Variants in ARID1B observed in about 807,000 individuals in gnomAD.
The protein encoded by ARID1B is AT-rich interaction domain 1B, also known as AT-rich interactive domain-containing protein 1B.
In ARID1B, 30 loss-of-function variants were observed where a neutral mutation model predicts 212.3. The observed-to-expected ratio is 0.14, with a 90% CI of 0.11 to 0.19. The LOEUF (loss-of-function observed/expected upper bound fraction) is 0.19, where lower values mean the gene tolerates loss of function less well. Among genes scored for constraint, ARID1B ranks in the 10% least tolerant of loss-of-function variants. The pLI is 1.00. For missense variants in ARID1B, 2,891 were observed against 3,204.0 expected (o/e 0.90, Z 2.36); for synonymous variants, 1,402 against 1,301.7 (o/e 1.08, Z -1.66).
At chr6:156,898,611 A>G (rs952212131) in intron 2 of ARID1B, among the ~76,000 whole-genome samples, 6 of 152,212 alleles carry the variant, frequency 3.9e-5, no homozygotes, top group Non-Finnish European at 5.9e-5. Flanking sequence ...TCTGAACAGC[A>G]TATAGTAGAT....
chr6:156,779,424 C>T lies in ARID1B; in HGVS notation c.1744C>T (p.Pro582Ser), dbSNP rs1779024018. The T allele has an allele frequency of 3.4e-6, 5 of 1,466,234 alleles. No homozygotes were observed. Among genetic ancestry groups the T allele is most frequent in the South Asian group, 1.2e-5 (1 of 80,148 alleles). The allele number at this position is 1,466,234 out of a possible 1,614,324, so 90.8% of individuals were successfully genotyped here. Residue 582 changes from proline (P) to serine (S), a missense_variant, in exon 1 of 20, where the codon CCG (proline) becomes TCG (serine). Physicochemically the swap from Pro to Ser is moderately conservative, Grantham distance 74. Transcript: ENST00000636930. ...GGCGGCCGCGCAACAAAGGAGTCAC[C>T]CGGCGATGAGCCCCGGCACCCCCGG... ...AWAAAQQRSH[P>S]AMSPGTPGPT...
Position 157,200,819 on chromosome 6 carries a change from G to A in ARID1B, c.4594G>A (p.Gly1532Ser), listed in dbSNP as rs149702962. 4.3e-6 allele frequency: 7 copies of A among 1,614,134 alleles called. No homozygotes were observed. Among genetic ancestry groups the A allele is most frequent in the Non-Finnish European group, 5.9e-6 (7 of 1,180,024 alleles). ...GCAGGAGATGTACAACCAGTATGGA[G>A]GCTCCTACTCGGGCCCGGACCGCAG... is the stretch of plus-strand genomic sequence containing the variant. The part of the protein sequence containing the change: ...QQQEMYNQYG[G>S]SYSGPDRRPI... The change falls in exon 18 of 20, where the codon GGC (glycine) becomes AGC (serine). Residue 1532 changes from glycine to serine, a missense_variant. This residue lies in a region of ARID1B where 666 missense variants were observed against 873.5 expected (regional missense o/e 0.76). Transcript: ENST00000636930. This position sits in a 1 kb window ranked among gnomAD's most constrained non-coding sequence, Gnocchi z 4.3.
chr6:157,163,673 T>A (rs1791107269), intron 8 of ARID1B, among the ~76,000 whole-genome samples: 1 of 152,206 alleles, frequency 6.6e-6, no homozygotes, highest in Non-Finnish European at 1.5e-5. Flanking sequence ...GCTGTTGTAT[T>A]CATGTCTCCC....
At chr6:157,162,375 A>G (rs1791001916) in intron 8 of ARID1B, among the ~76,000 whole-genome samples, 2 of 152,196 alleles carry the variant, frequency 1.3e-5, no homozygotes, top group Admixed American at 1.3e-4. Context: ...GTCGCTTGAA[A>G]ACTGGTGTTT....
Position 156,989,977 on chromosome 6 carries a change from C to T in ARID1B, c.2247+54401C>T, listed in dbSNP as rs552797329. The stretch of plus-strand genomic sequence containing the variant: ...TCTTGCCAATTAATTTGATTTTCAA[C>T]CTTTACAATGAATAATGTAAAATTT... On this transcript the variant is annotated intron_variant, in intron 4 of 19. Transcript: ENST00000636930. Among the ~76,000 whole-genome samples the T allele has an allele frequency of 2.6e-5, 4 of 152,208 alleles. No homozygotes were observed. In the South Asian group the frequency reaches 8.3e-4, roughly 32 times the overall value.
chr6:156,814,278 G>C (rs889711240), intron 1 of ARID1B, among the ~76,000 whole-genome samples: 2 of 152,064 alleles, frequency 1.3e-5, no homozygotes, highest in African/African-American at 4.8e-5. Flanking sequence ...ACTTAGCTGG[G>C]CATGGTGGCA....
intron 1 of ARID1B, among the ~76,000 whole-genome samples, chr6:156,825,787 C>T (rs1038231827): frequency 6.6e-6 from 1 of 152,216 alleles, no homozygotes; most frequent in African/African-American, 2.4e-5. Context: ...TCCATAGGTC[C>T]TTCATTCACT....
intron 2 of ARID1B, among the ~76,000 whole-genome samples, chr6:156,868,140 T>C (rs990549608): frequency 9.9e-5 from 15 of 151,876 alleles, no homozygotes; most frequent in African/African-American, 3.6e-4. Context: ...ATTCATTATT[T>C]TGGATCAGTT....
intron 4 of ARID1B, among the ~76,000 whole-genome samples, chr6:157,035,141 T>C (rs1179355725): frequency 6.6e-6 from 1 of 152,230 alleles, no homozygotes; most frequent in Non-Finnish European, 1.5e-5. Context: ...TATCTTTAAA[T>C]AGAGCTCTAT....
At chr6:156,902,536 G>A (rs565014986) in intron 3 of ARID1B, among the ~76,000 whole-genome samples, 3 of 152,010 alleles carry the variant, frequency 2.0e-5, no homozygotes, top group South Asian at 2.1e-4. Context: ...GTCCCTTTCC[G>A]TATGACTTAC....
chr6:157,004,045 A>C (rs2128436714), intron 4 of ARID1B, among the ~76,000 whole-genome samples: 1 of 152,128 alleles, frequency 6.6e-6, no homozygotes, highest in Admixed American at 6.5e-5. Context: ...ACAAACAAAC[A>C]CAAATAAAAA....
intron 2 of ARID1B, among the ~76,000 whole-genome samples, chr6:156,842,433 G>A (rs6557510): frequency 0.096 from 14,634 of 152,108 alleles, 955 homozygotes; most frequent in East Asian, 0.3. Flanking sequence ...CTTGTGGCAC[G>A]TTCCAGCACT....
At chr6:156,978,261 C>T (rs530091477) in intron 4 of ARID1B, among the ~76,000 whole-genome samples, 21 of 152,334 alleles carry the variant, frequency 1.4e-4, no homozygotes, top group Middle Eastern at 3.4e-3. Flanking sequence ...GAAATGTGTT[C>T]CAGGCAGTTT....
Position 157,121,481 on chromosome 6 carries a change from C to T in ARID1B, c.2581+10920C>T, listed in dbSNP as rs1339224254. The stretch of plus-strand genomic sequence containing the variant: ...TACTATACAAAAATATTCATTTTTT[C>T]CTTCTTTTATATAGAAGATGTGATT... On this transcript the variant is annotated intron_variant, in intron 6 of 19. Coordinates refer to ENST00000636930, the MANE Select transcript of ARID1B (RefSeq NM_001374828.1). Among the ~76,000 whole-genome samples the T allele has an allele frequency of 1.2e-4, 19 of 152,002 alleles. 1 individual carries two copies. Among genetic ancestry groups the T allele is most frequent in the Admixed American group, 1.2e-3 (19 of 15,264 alleles).
chr6:157,152,028 A>G (rs1790235476), intron 8 of ARID1B: 1 of 152,332 alleles, frequency 6.6e-6, no homozygotes, highest in East Asian at 1.9e-4. Flanking sequence ...TGAGGTAAAC[A>G]TGGTTATTCT....
At chr6:157,064,222 T>C (rs1418234500) in intron 4 of ARID1B, among the ~76,000 whole-genome samples, 1 of 152,216 alleles carries the variant, frequency 6.6e-6, no homozygotes, top group African/African-American at 2.4e-5. Flanking sequence ...CAGTTTTTCC[T>C]GAGCCATCTG....
Position 156,950,549 on chromosome 6 carries a change from G to A in ARID1B, c.2247+14973G>A, listed in dbSNP as rs796445639. Among the ~76,000 whole-genome samples, 30 of 152,224 alleles carry A rather than the reference G, an allele frequency of 2.0e-4. 4 individuals carry two copies. The Middle Eastern group carries it at 0.014, about 69-fold the overall frequency. Reference sequence around the variant, plus strand: ...TTTTTCAATTCTGCCTTCTTCCATCGCAGTTGATTAGATGACATTAAATGA... The same window carrying A: ...TTTTTCAATTCTGCCTTCTTCCATCACAGTTGATTAGATGACATTAAATGA... On this transcript the variant is annotated intron_variant, in intron 4 of 19. Transcript: ENST00000636930.
intron 4 of ARID1B, among the ~76,000 whole-genome samples, chr6:156,981,318 T>C (rs1274268677): frequency 6.6e-6 from 1 of 152,188 alleles, no homozygotes; most frequent in Non-Finnish European, 1.5e-5. Flanking sequence ...TCTCTGCCGT[T>C]CTTCACATCG....
In ARID1B at chr6:156,945,137, A is replaced by G. The variant is rs371796727; in HGVS notation, c.2247+9561A>G. 3.4e-3 allele frequency among the ~76,000 whole-genome samples: 448 copies of G among 130,202 alleles called. 3 individuals are homozygous for G. Among genetic ancestry groups the G allele is most frequent in the East Asian group, 8.4e-3 (38 of 4,512 alleles). The allele number at this position is 130,202 out of a possible 152,430, so 85.4% of individuals were successfully genotyped here. A position where few individuals can be genotyped will look rare whatever the true frequency, so the allele number is the denominator to read the frequency against. ...TTTTTAGTAGAGACGGGGTTTCACC[A>G]TGTTAGCCAGGATGGTCTTGATCTC... On this transcript the variant is annotated intron_variant, in intron 4 of 19. Transcript: ENST00000636930.
Sources: gnomAD v4.1 joint callset for allele counts (sites outside exome capture counted in the v4.1 genomes callset) on GRCh38, gnomAD v4.1.1 for gene constraint, gnomAD v4.1.1 regional missense constraint, Gnocchi (gnomAD v3.1) non-coding constraint, MANE v1.5 for transcripts, NCBI Gene and HGNC (gene_info 2026-07-23, HGNC 2026-07-21) for gene names.